RAD51B: variants seen among roughly 807,000 people sequenced by gnomAD.
RAD51B encodes DNA repair protein RAD51 homolog 2.
In RAD51B, 38 loss-of-function variants were observed where a neutral mutation model predicts 42.2. The ratio of observed to expected loss-of-function variants is 0.90; its 90% confidence interval spans 0.70 to 1.18. RAD51B has a LOEUF of 1.18. RAD51B is among the 50% of genes most tolerant of loss of function. The pLI is 0.00. For synonymous variants in RAD51B, 154 were observed against 145.2 expected (o/e 1.06, Z -0.43); for missense variants, 373 against 400.7 (o/e 0.93, Z 0.59).
Position 68,275,138 on chromosome 14 carries a change from T to A in RAD51B, c.757-16746T>A, listed in dbSNP as rs924679406. Among the ~76,000 whole-genome samples, 4 of 152,162 alleles carry A rather than the reference T, an allele frequency of 2.6e-5. No homozygotes were observed. In the East Asian group the frequency reaches 7.7e-4, roughly 29 times the overall value. On this transcript the variant is annotated intron_variant, in intron 7 of 10. Transcript: ENST00000471583. ...TTTAATGAGACATATATTCTGTCCT[T>A]TCATTCTGCAGTTCTGTCCTGTGCC...
At chr14:68,150,962 A>G (rs958206404) in intron 7 of RAD51B, among the ~76,000 whole-genome samples, 1 of 152,114 alleles carries the variant, frequency 6.6e-6, no homozygotes, top group African/African-American at 2.4e-5. Context: ...TATTTTGATA[A>G]TAAGAAAATA....
rs191331471 is a variant in RAD51B, at chr14:68,589,719, G to C, written c.1037-4766G>C. ...TCTTATGACTTCAACAGATGTTTCT[G>C]CTTAAGGAGCCCTGGCATCTTTATG... is the stretch of plus-strand genomic sequence containing the variant. On this transcript the variant is annotated intron_variant, in intron 10 of 10. Transcript: ENST00000487270. Among the ~76,000 whole-genome samples, 26 of 152,290 alleles carry C rather than the reference G, an allele frequency of 1.7e-4. No homozygotes were observed. In the East Asian group the frequency reaches 4.1e-3, roughly 24 times the overall value.
chr14:68,625,170 G>A (rs1892048292), intron 10 of RAD51B, among the ~76,000 whole-genome samples: 1 of 152,136 alleles, frequency 6.6e-6, no homozygotes, highest in Admixed American at 6.5e-5. Context: ...CTTTCACAAA[G>A]TTGGAAGACT....
chr14:68,262,234 A>G (rs2080905357), intron 7 of RAD51B, among the ~76,000 whole-genome samples: 1 of 152,178 alleles, frequency 6.6e-6, no homozygotes, highest in Non-Finnish European at 1.5e-5. Context: ...AGGATTTAGC[A>G]TCCAAGGTTT....
chr14:68,009,424 C>T (rs991238311), intron 7 of RAD51B, among the ~76,000 whole-genome samples: 1 of 151,930 alleles, frequency 6.6e-6, no homozygotes, highest in South Asian at 2.1e-4. Context: ...CTTTCTATTT[C>T]CTTATCTTTT....
intron 10 of RAD51B, among the ~76,000 whole-genome samples, chr14:68,636,949 CT>C (rs1314934334): frequency 1.3e-5 from 2 of 152,334 alleles, no homozygotes; most frequent in Admixed American, 1.3e-4. Flanking sequence ...TCTCTAGCCC[CT>C]GTCTCTGCTT....
At chr14:67,919,079 C>G (rs2044243339) in intron 7 of RAD51B, among the ~76,000 whole-genome samples, 1 of 152,080 alleles carries the variant, frequency 6.6e-6, no homozygotes. Context: ...GGTGGAAACT[C>G]CAGGGAAGAT....
chr14:68,023,700 T>C (rs1236342792), intron 7 of RAD51B, among the ~76,000 whole-genome samples: 1 of 152,188 alleles, frequency 6.6e-6, no homozygotes, highest in Non-Finnish European at 1.5e-5. Flanking sequence ...GGCTGTTTTT[T>C]GCTTGTTGAA....
At chr14:68,659,878 C>A (rs1892898460) in intron 11 of RAD51B, among the ~76,000 whole-genome samples, 1 of 152,248 alleles carries the variant, frequency 6.6e-6, no homozygotes, top group South Asian at 2.1e-4. Context: ...ACAAGAGATG[C>A]TGACACCTGC....
intron 10 of RAD51B, among the ~76,000 whole-genome samples, chr14:68,509,102 G>A (rs1343930657): frequency 6.6e-6 from 1 of 152,274 alleles, no homozygotes; most frequent in Non-Finnish European, 1.5e-5. Context: ...TAGGGCCAGA[G>A]GGCCTGGGCT....
At chr14:68,644,385 G>A (rs1892524548) in intron 10 of RAD51B, among the ~76,000 whole-genome samples, 1 of 152,102 alleles carries the variant, frequency 6.6e-6, no homozygotes, top group Non-Finnish European at 1.5e-5. Context: ...ACCTCTTTCT[G>A]CCACTCCTCT....
chr14:68,619,251 G>T (rs2140114215), intron 10 of RAD51B, among the ~76,000 whole-genome samples: 1 of 152,260 alleles, frequency 6.6e-6, no homozygotes, highest in Admixed American at 6.5e-5. Context: ...GAGGTGGGTG[G>T]ATCACGAGGT....
At chr14:68,433,934 G>A (rs1263999346) in intron 9 of RAD51B, among the ~76,000 whole-genome samples, 4 of 152,202 alleles carry the variant, frequency 2.6e-5, no homozygotes. Flanking sequence ...TGGTGTGGAT[G>A]TTCTTTCTGT....
chr14:68,182,098 T>C (rs1159424671), intron 7 of RAD51B, among the ~76,000 whole-genome samples: 1 of 152,212 alleles, frequency 6.6e-6, no homozygotes, highest in Non-Finnish European at 1.5e-5. Context: ...CCTTGGTGTC[T>C]AATGTGTGGT....
intron 4 of RAD51B, among the ~76,000 whole-genome samples, chr14:67,839,571 T>A (rs995223889): frequency 2.6e-5 from 4 of 151,878 alleles, no homozygotes; most frequent in Non-Finnish European, 5.9e-5. Flanking sequence ...CCCTCTCTTT[T>A]AAAAAAAATC....
intron 9 of RAD51B, among the ~76,000 whole-genome samples, chr14:68,427,185 C>T (rs1044525544): frequency 1.3e-5 from 2 of 152,222 alleles, no homozygotes; most frequent in Non-Finnish European, 1.5e-5. Flanking sequence ...GGGGCAGAGC[C>T]ATGGCAGAGA....
intron 10 of RAD51B, among the ~76,000 whole-genome samples, chr14:68,533,195 A>G (rs900362471): frequency 6.6e-5 from 10 of 152,222 alleles, no homozygotes; most frequent in Non-Finnish European, 1.5e-4. Context: ...TATAAATAAT[A>G]AGAGATTTCA....
At chr14:68,434,605 A>T (rs2085100098) in intron 9 of RAD51B, among the ~76,000 whole-genome samples, 1 of 152,182 alleles carries the variant, frequency 6.6e-6, no homozygotes, top group Non-Finnish European at 1.5e-5. Context: ...GCGCAGTATT[A>T]GGGTGAGAGT....
intron 7 of RAD51B, among the ~76,000 whole-genome samples, chr14:67,911,901 T>C (rs896901140): frequency 1.3e-5 from 2 of 152,192 alleles, no homozygotes; most frequent in Non-Finnish European, 2.9e-5. Context: ...GCGACTCTTA[T>C]AAACTACTGC....
Sources: allele counts gnomAD v4.1 joint callset (sites outside exome capture counted in the v4.1 genomes callset), GRCh38; gene constraint gnomAD v4.1.1; transcripts MANE v1.5; gene names NCBI Gene and HGNC (gene_info 2026-07-23, HGNC 2026-07-21).